NCAM2: variants seen among roughly 807,000 people sequenced by gnomAD.
NCAM2 encodes N-CAM-2.
NCAM2 carries 30 observed loss-of-function variants against 98.1 expected under a neutral mutation model. The observed-to-expected ratio is 0.31, with a 90% CI of 0.23 to 0.41. NCAM2 has a LOEUF of 0.41. Among genes scored for constraint, NCAM2 ranks in the 10% least tolerant of loss-of-function variants. NCAM2 has a pLI of 1.00. For missense variants in NCAM2, 867 were observed against 1,005.8 expected (o/e 0.86, Z 1.87); for synonymous variants, 368 against 342.4 (o/e 1.07, Z -0.83).
At chr21:21,407,038 A>G (rs988729580) in intron 9 of NCAM2, among the ~76,000 whole-genome samples, 1 of 151,986 alleles carries the variant, frequency 6.6e-6, no homozygotes, top group Non-Finnish European at 1.5e-5. Context: ...TACATTTGAA[A>G]CCTTTCATGA....
At chr21:21,294,011 T>C (rs1475471851) in intron 5 of NCAM2, among the ~76,000 whole-genome samples, 1 of 151,658 alleles carries the variant, frequency 6.6e-6, no homozygotes, top group Non-Finnish European at 1.5e-5. Flanking sequence ...TAAAATGAAA[T>C]TTATCCAGCA....
At chr21:21,305,501 A>C (rs572199688) in intron 5 of NCAM2, among the ~76,000 whole-genome samples, 1 of 152,214 alleles carries the variant, frequency 6.6e-6, no homozygotes, top group South Asian at 2.1e-4. Flanking sequence ...TTTGGGAGAC[A>C]GGGCATTCAT....
In NCAM2 at chr21:21,076,644, T is replaced by C. The variant is rs571975676; in HGVS notation, c.55+78026T>C. 2.0e-5 allele frequency among the ~76,000 whole-genome samples: 3 copies of C among 152,290 alleles called. No individual in the cohort carries two copies. The South Asian group carries it at 6.2e-4, about 32-fold the overall frequency. ...TTCACAATAAAGAATCTTCCTGATATTCACTAGTACATATAAGTCACGAAG... is the reference window on the plus strand; with the variant it reads ...TTCACAATAAAGAATCTTCCTGATACTCACTAGTACATATAAGTCACGAAG... On this transcript the variant is annotated intron_variant, in intron 1 of 17. Transcript: ENST00000400546.
intron 7 of NCAM2, 65 bp downstream of exon 7, chr21:21,335,730 T>C: frequency 7.9e-7 from 1 of 1,270,356 alleles, no homozygotes; most frequent in Non-Finnish European, 1.0e-6. Flanking sequence ...GAAATTCTAC[T>C]CTAATCATTT....
At chr21:21,410,521 G>A in intron 10 of NCAM2, 60 bp downstream of exon 10, 1 of 956,758 alleles carries the variant, frequency 1.0e-6, no homozygotes, top group Non-Finnish European at 1.5e-6. Flanking sequence ...TACTATTTCA[G>A]AATATATTTA....
rs1318363413 is a variant in NCAM2 at position 21,538,143 on chromosome 21, T to C, written c.*186T>C. 1.4e-5 allele frequency: 5 copies of C among 367,728 alleles called. No individual in the cohort carries two copies. Among genetic ancestry groups the C allele is most frequent in the Non-Finnish European group, 2.5e-5 (5 of 200,026 alleles). 22.8% of individuals were successfully genotyped at this position (367,728 alleles called of 1,614,324 possible). A position where few individuals can be genotyped will look rare whatever the true frequency, so the allele number is the denominator to read the frequency against. On this transcript the variant is annotated 3_prime_UTR_variant, in exon 18 of 18. Coordinates refer to ENST00000400546, the MANE Select transcript of NCAM2 (RefSeq NM_004540.5). ...TTCCCTTTTGTTATTGTTGTTGTTG[T>C]TGCTGTTGTTGTTAATTTTGTTAAG...
At chr21:21,021,132 T>C (rs965812991) in intron 1 of NCAM2, among the ~76,000 whole-genome samples, 1 of 152,178 alleles carries the variant, frequency 6.6e-6, no homozygotes, top group Non-Finnish European at 1.5e-5. Flanking sequence ...TTCTTCTCTT[T>C]AAGGAAATGG....
chr21:21,280,879 T>C (rs1329656786), intron 2 of NCAM2, among the ~76,000 whole-genome samples: 1 of 151,936 alleles, frequency 6.6e-6, no homozygotes, highest in Admixed American at 6.6e-5. Flanking sequence ...CCTCCTGGGT[T>C]CAAGCCGTTC....
chr21:21,354,081 A>G (rs1255154900), intron 8 of NCAM2, among the ~76,000 whole-genome samples: 1 of 152,162 alleles, frequency 6.6e-6, no homozygotes, highest in Non-Finnish European at 1.5e-5. Context: ...TTTTATGTAT[A>G]TGAATATAAT....
Position 21,509,050 on chromosome 21 carries a change from A to G in NCAM2, c.2277A>G (p.Ala759=), listed in dbSNP as rs1988188306. The part of the protein sequence containing the change: ...KSKELEEGKA[A]YLKDGSKEPI... ...AAGAACTCGAAGAAGGAAAAGCTGC[A>G]TACCTGTGAGTATCAGGCATCTACA... is the stretch of plus-strand genomic sequence containing the variant. Residue 759 remains alanine (A), a synonymous_variant, in exon 16 of 18, where the codon GCA becomes GCG. Coordinates refer to ENST00000400546, the MANE Select transcript of NCAM2 (RefSeq NM_004540.5). The G allele has an allele frequency of 5.6e-6, 9 of 1,613,398 alleles. No individual in the cohort carries two copies. The highest frequency in any genetic ancestry group is 1.3e-5 in the African/African-American group (1 of 74,956).
chr21:21,520,927 A>C (rs1988981340), intron 16 of NCAM2, among the ~76,000 whole-genome samples: 1 of 152,166 alleles, frequency 6.6e-6, no homozygotes, highest in Non-Finnish European at 1.5e-5. Context: ...TTTTACCTTC[A>C]GGAGCTTAAC....
intron 4 of NCAM2, among the ~76,000 whole-genome samples, chr21:21,287,295 A>C (rs1323492373): frequency 6.6e-6 from 1 of 152,028 alleles, no homozygotes; most frequent in African/African-American, 2.4e-5. Context: ...ACAGAAAATA[A>C]TATCTATTTT....
chr21:21,281,937 T>C (rs2072943743), intron 2 of NCAM2, among the ~76,000 whole-genome samples: 1 of 151,778 alleles, frequency 6.6e-6, no homozygotes, highest in Non-Finnish European at 1.5e-5. Context: ...AGCATATATG[T>C]ATAACATGTC....
chr21:21,482,987 A>G (rs1191685489), intron 15 of NCAM2, among the ~76,000 whole-genome samples: 1 of 152,060 alleles, frequency 6.6e-6, no homozygotes, highest in Non-Finnish European at 1.5e-5. Context: ...CAAGGCTGAT[A>G]GCATGGCATT....
intron 12 of NCAM2, among the ~76,000 whole-genome samples, chr21:21,445,310 A>G (rs1979941012): frequency 6.6e-6 from 1 of 152,072 alleles, no homozygotes; most frequent in Non-Finnish European, 1.5e-5. Context: ...GAATATTATG[A>G]TGATTTGGGG....
intron 1 of NCAM2, among the ~76,000 whole-genome samples, chr21:21,083,305 T>C (rs1011473317): frequency 2.0e-5 from 3 of 152,198 alleles, no homozygotes; most frequent in Non-Finnish European, 4.4e-5. Flanking sequence ...ACTTTGCTGG[T>C]AATTATTATT....
In NCAM2 at chr21:21,433,173, T is replaced by C. The variant is rs9983606; in HGVS notation, c.1654+892T>C. ...ACTGAGCATAACTATGGGTTTTTGATAGAAGTATCAGAAACATTAATCAGT... is the reference window on the plus strand; with the variant it reads ...ACTGAGCATAACTATGGGTTTTTGACAGAAGTATCAGAAACATTAATCAGT... On this transcript the variant is annotated intron_variant, in intron 12 of 17. Coordinates refer to ENST00000400546, the MANE Select transcript of NCAM2 (RefSeq NM_004540.5). Among the ~76,000 whole-genome samples the C allele has an allele frequency of 2.8e-3, 433 of 152,322 alleles. 1 individual carries two copies. Among genetic ancestry groups the C allele is most frequent in the African/African-American group, 0.01 (420 of 41,578 alleles).
At chr21:21,447,239 T>C (rs1980311609) in intron 12 of NCAM2, among the ~76,000 whole-genome samples, 1 of 151,970 alleles carries the variant, frequency 6.6e-6, no homozygotes, top group Admixed American at 6.6e-5. Flanking sequence ...ACCTCAGAAA[T>C]AACACCACAC....
chr21:21,201,897 A>G (rs1451090966), intron 1 of NCAM2, among the ~76,000 whole-genome samples: 1 of 152,168 alleles, frequency 6.6e-6, no homozygotes, highest in South Asian at 2.1e-4. Context: ...CTTCTAAATC[A>G]GAAAATATGG....
Sources: allele counts gnomAD v4.1 joint callset (sites outside exome capture counted in the v4.1 genomes callset), GRCh38; gene constraint gnomAD v4.1.1; transcripts MANE v1.5; gene names NCBI Gene and HGNC (gene_info 2026-07-23, HGNC 2026-07-21).